The following NPR2 variants were observed in gnomAD, a reference collection of about 807,000 sequenced individuals.
The protein encoded by NPR2 is natriuretic peptide receptor 2, also known as atrial natriuretic peptide receptor 2.
Under a neutral mutation model 120.7 loss-of-function variants are expected in NPR2, and 49 were observed. The ratio of observed to expected loss-of-function variants is 0.41; its 90% CI spans 0.32 to 0.52. The LOEUF (loss-of-function observed/expected upper bound fraction) is 0.52. Among genes scored for constraint, NPR2 ranks in the 20% least tolerant of loss-of-function variants. The pLI is 0.36. For synonymous variants in NPR2, 484 were observed against 519.8 expected (o/e 0.93, Z 0.94); for missense variants, 931 against 1,362.9 (o/e 0.68, Z 4.99).
rs1256770891 is a variant in NPR2, at chr9:35,802,453, T to G, written c.1711-50T>G. 7.9e-6 allele frequency: 9 copies of G among 1,142,662 alleles called. No individual in the cohort carries two copies. The highest frequency in any genetic ancestry group is 1.2e-5 in the Non-Finnish European group (9 of 749,622). 70.8% of individuals were successfully genotyped at this position (1,142,662 alleles called of 1,614,324 possible). ...TGTAGTGGTAAGTTTCTGTATCTAA[T>G]TTTTAACTCTTTCAATTTTCTTATC... On this transcript the variant is annotated intron_variant, in intron 10 of 21. Transcript: ENST00000342694. The surrounding 1 kb of genome is among the most constrained non-coding windows in gnomAD (Gnocchi z 4.2).
In NPR2 at chr9:35,802,612, G is replaced by T; in HGVS notation, c.1815+5G>T. 1 of 1,551,732 alleles carries T rather than the reference G, an allele frequency of 6.4e-7. No individual in the cohort carries two copies. Among genetic ancestry groups the T allele is most frequent in the South Asian group, 1.1e-5 (1 of 89,790 alleles). Reference sequence around the variant, plus strand: ...TGTCCTCGTGGGAGTTTACAGGTGAGGGATAGGTGTAGGAGATTATGGCAG... The same window carrying T: ...TGTCCTCGTGGGAGTTTACAGGTGATGGATAGGTGTAGGAGATTATGGCAG... On this transcript the variant is annotated splice_donor_5th_base_variant and intron_variant, in intron 11 of 21. Coordinates refer to ENST00000342694, the MANE Select transcript of NPR2 (RefSeq NM_003995.4). This position sits in a 1 kb window ranked among gnomAD's most constrained non-coding sequence, Gnocchi z 4.2.
intron 12 of NPR2, among the ~76,000 whole-genome samples, chr9:35,804,498 G>A (rs1427373042): frequency 6.6e-6 from 1 of 152,210 alleles, no homozygotes; most frequent in African/African-American, 2.4e-5. Flanking sequence ...CTCCCAAAGT[G>A]CTGGGATTAC....
chr9:35,800,382 G>A lies in NPR2; in HGVS notation c.1124-7G>A, dbSNP rs1008239421. On this transcript the variant is annotated splice_region_variant and splice_polypyrimidine_tract_variant and intron_variant, in intron 4 of 21. Transcript: ENST00000342694. The surrounding 1 kb of genome is among the most constrained non-coding windows in gnomAD (Gnocchi z 4.7). ...CCTCAAAGAAAGGACACTCTTTTCT[G>A]TCTTAGGTGTAACTGGGCTGGTTGT... The A allele has an allele frequency of 6.8e-6, 11 of 1,612,462 alleles. No individual in the cohort carries two copies. The Admixed American group carries it at 1.3e-4, about 20-fold the overall frequency.
chr9:35,803,340 G>A (rs1828246625), intron 12 of NPR2, among the ~76,000 whole-genome samples: 1 of 82,546 alleles, frequency 1.2e-5, no homozygotes, highest in Non-Finnish European at 2.3e-5. Flanking sequence ...TCTTGACCTC[G>A]TGATCCGCCC....
In NPR2 at chr9:35,802,090, T is replaced by C. The variant is rs1828189837; in HGVS notation, c.1632+90T>C. 7.2e-7 allele frequency: 1 copy of C among 1,383,818 alleles called. No individual in the cohort carries two copies. The highest frequency in any genetic ancestry group is 1.0e-6 in the Non-Finnish European group (1 of 969,888). 85.7% of individuals were successfully genotyped at this position (1,383,818 alleles called of 1,614,324 possible). On this transcript the variant is annotated intron_variant, in intron 9 of 21. Transcript: ENST00000342694. The surrounding 1 kb of genome is among the most constrained non-coding windows in gnomAD (Gnocchi z 4.2). ...TCTGCCCCTGAACCTCTGTCCCTCA[T>C]ACCCGACTCTCTGTGCCCAGCTGAG...
Position 35,792,345 on chromosome 9 carries a change from C to A in NPR2, c.-64C>A. The A allele has an allele frequency of 6.5e-7, 1 of 1,537,756 alleles. No homozygotes were observed. Among genetic ancestry groups the A allele is most frequent in the Non-Finnish European group, 8.8e-7 (1 of 1,137,536 alleles). ...CAGGCTCCAGGCTGGGGGGTGCTCG[C>A]GTCTCCCCTGTAGGCCAGAGCAGCC... On this transcript the variant is annotated 5_prime_UTR_variant, in exon 1 of 22. Coordinates refer to ENST00000342694, the MANE Select transcript of NPR2 (RefSeq NM_003995.4).
Position 35,805,874 on chromosome 9 carries a change from C to A in NPR2, c.2092C>A (p.Pro698Thr), listed in dbSNP as rs770794809. 5 of 1,614,056 alleles carry A rather than the reference C, an allele frequency of 3.1e-6. No individual in the cohort carries two copies. Among genetic ancestry groups the A allele is most frequent in the Non-Finnish European group, 3.4e-6 (4 of 1,179,904 alleles). The change falls in exon 14 of 22, where the codon CCA becomes ACA. Residue 698 changes from proline to threonine, a missense_variant. By Grantham distance (38) the Pro-to-Thr change is conservative. Coordinates refer to ENST00000342694, the MANE Select transcript of NPR2 (RefSeq NM_003995.4). The surrounding 1 kb of genome is among the most constrained non-coding windows in gnomAD (Gnocchi z 4.9). Reference protein sequence around the residue: ...APELLSGNPLPTTGMQKADVY... With the variant: ...APELLSGNPLTTTGMQKADVY... Reference sequence around the variant, plus strand: ...AGAACTGCTCAGTGGGAACCCCTTGCCAACCACAGGCATGCAGAAGGCTGA... The same window carrying A: ...AGAACTGCTCAGTGGGAACCCCTTGACAACCACAGGCATGCAGAAGGCTGA...
chr9:35,799,553 A>G (rs1460131438), intron 2 of NPR2, 65 bp from the exon 3 acceptor site: 3 of 1,178,760 alleles, frequency 2.5e-6, no homozygotes, highest in Non-Finnish European at 3.8e-6. Context: ...CCTGTCCTGC[A>G]TCTTCTCTTC....
chr9:35,792,237 T>A lies in NPR2; in HGVS notation c.-172T>A. The A allele has an allele frequency of 2.6e-4, 88 of 332,380 alleles. No homozygotes were observed. The highest frequency in any genetic ancestry group is 4.1e-4 in the East Asian group (6 of 14,514). The allele number at this position is 332,380 out of a possible 1,614,324, so 20.6% of individuals were successfully genotyped here. A position where few individuals can be genotyped will look rare whatever the true frequency, so the allele number is the denominator to read the frequency against. ...TTGCCCGCCCCCCGCCTTCCTCCCA[T>A]CTCCCCCTCCTCTCCCCGGCCCCCA... On this transcript the variant is annotated 5_prime_UTR_variant, in exon 1 of 22. Coordinates refer to ENST00000342694, the MANE Select transcript of NPR2 (RefSeq NM_003995.4).
intron 12 of NPR2, among the ~76,000 whole-genome samples, chr9:35,804,040 A>G (rs1047492188): frequency 2.0e-5 from 3 of 152,248 alleles, no homozygotes; most frequent in Non-Finnish European, 4.4e-5. Flanking sequence ...AGAGATTCCC[A>G]AAAGTTTTGT....
intron 18 of NPR2, chr9:35,807,934 C>T: frequency 1.9e-6 from 1 of 525,262 alleles, no homozygotes; most frequent in Non-Finnish European, 3.4e-6. Context: ...ATAATAGATT[C>T]GTTGTATGGA....
At chr9:35,801,593 G>A in intron 7 of NPR2, 50 bp from the exon 8 acceptor site, 1 of 1,612,596 alleles carries the variant, frequency 6.2e-7, no homozygotes, top group Non-Finnish European at 8.5e-7. Flanking sequence ...GTTGGCTTGG[G>A]GGTGGCAGGA....
intron 1 of NPR2, 95 bp downstream of exon 1, chr9:35,793,170 G>A (rs1827841789): frequency 1.5e-6 from 2 of 1,311,662 alleles, no homozygotes; most frequent in Admixed American, 2.5e-5. Flanking sequence ...GATAGGCATT[G>A]AGCAGCTGTA....
In NPR2 at chr9:35,800,945, G is replaced by T. The variant is rs1044439596; in HGVS notation, c.1351+104G>T. ...CTCTTAACTGTGCTTCTGCCTTTAC[G>T]TCTGCATCCCTCCCTCCTCATTTCT... On this transcript the variant is annotated intron_variant, in intron 6 of 21. Coordinates refer to ENST00000342694, the MANE Select transcript of NPR2 (RefSeq NM_003995.4). This position sits in a 1 kb window ranked among gnomAD's most constrained non-coding sequence, Gnocchi z 4.7. The T allele has an allele frequency of 6.4e-6, 10 of 1,559,670 alleles. No homozygotes were observed. The African/African-American group carries it at 1.4e-4, about 21-fold the overall frequency.
rs1473587938 is a variant in NPR2, at chr9:35,808,492, A to G, written c.2713-17A>G. ...GGATATAAATAGAGGTGACCTTTTA[A>G]TCCCCCTCTCAATCAGGTGGAGACG... On this transcript the variant is annotated splice_polypyrimidine_tract_variant and intron_variant, in intron 18 of 21. Coordinates refer to ENST00000342694, the MANE Select transcript of NPR2 (RefSeq NM_003995.4). This position sits in a 1 kb window ranked among gnomAD's most constrained non-coding sequence, Gnocchi z 4.0. The G allele has an allele frequency of 1.2e-6, 2 of 1,613,212 alleles. No homozygotes were observed. Among genetic ancestry groups the G allele is most frequent in the Admixed American group, 1.7e-5 (1 of 60,002 alleles).
chr9:35,792,324 C>A lies in NPR2; in HGVS notation c.-85C>A. On this transcript the variant is annotated 5_prime_UTR_variant, in exon 1 of 22. Coordinates refer to ENST00000342694, the MANE Select transcript of NPR2 (RefSeq NM_003995.4). ...CCTCTTCCTGGCCCTCTTCCCCAGGCTCCAGGCTGGGGGGTGCTCGCGTCT... is the reference window on the plus strand; with the variant it reads ...CCTCTTCCTGGCCCTCTTCCCCAGGATCCAGGCTGGGGGGTGCTCGCGTCT... 7.0e-7 allele frequency: 1 copy of A among 1,437,334 alleles called. No homozygotes were observed. Among genetic ancestry groups the A allele is most frequent in the South Asian group, 1.3e-5 (1 of 76,090 alleles). The allele number at this position is 1,437,334 out of a possible 1,614,324, so 89.0% of individuals were successfully genotyped here.
Position 35,809,057 on chromosome 9 carries a change from ATGGT to A in NPR2, c.2987-94_2987-91del, listed in dbSNP as rs1828596390. ...GATATGCATTGGGAGCTTCCCAGGG[ATGGT>A]TGGTCGGGCACGGTGCTATACAGTA... On this transcript the variant is annotated intron_variant, in intron 20 of 21. Coordinates refer to ENST00000342694, the MANE Select transcript of NPR2 (RefSeq NM_003995.4). The surrounding 1 kb of genome is among the most constrained non-coding windows in gnomAD (Gnocchi z 4.1). 1 of 1,201,562 alleles carries A rather than the reference ATGGT, an allele frequency of 8.3e-7. No homozygotes were observed. The highest frequency in any genetic ancestry group is 1.5e-5 in the African/African-American group (1 of 66,998). 74.4% of individuals were successfully genotyped at this position (1,201,562 alleles called of 1,614,324 possible).
In NPR2 at chr9:35,808,731, C is replaced by CT; in HGVS notation, c.2888-23dup. ...CCCTAGTCTCCACCTTTCCCAGACT[C>CT]TCCCAACCTGTTTCTTCTCAAAGGG... On this transcript the variant is annotated intron_variant, in intron 19 of 21. Coordinates refer to ENST00000342694, the MANE Select transcript of NPR2 (RefSeq NM_003995.4). The surrounding 1 kb of genome is among the most constrained non-coding windows in gnomAD (Gnocchi z 4.0). 1 of 1,611,702 alleles carries CT rather than the reference C, an allele frequency of 6.2e-7. No individual in the cohort carries two copies. The highest frequency in any genetic ancestry group is 2.2e-5 in the East Asian group (1 of 44,872).
At chr9:35,797,703 C>A (rs1434520500) in intron 2 of NPR2, among the ~76,000 whole-genome samples, 4 of 152,040 alleles carry the variant, frequency 2.6e-5, no homozygotes, top group Non-Finnish European at 4.4e-5. Context: ...AACCCCTGAG[C>A]AAGCACAGAA....
Sources: gnomAD v4.1 joint callset for allele counts (sites outside exome capture counted in the v4.1 genomes callset) on GRCh38, gnomAD v4.1.1 for gene constraint, Gnocchi (gnomAD v3.1) non-coding constraint, MANE v1.5 for transcripts, NCBI Gene and HGNC (gene_info 2026-07-23, HGNC 2026-07-21) for gene names.